The following CIPC variants were observed in gnomAD, a reference collection of about 807,000 sequenced individuals.
CIPC encodes CLOCK interacting pacemaker.
Under a neutral mutation model 26.7 loss-of-function variants are expected in CIPC, and 12 were observed. The ratio of observed to expected loss-of-function variants is 0.45; its 90% CI spans 0.29 to 0.73. The LOEUF is 0.73. Ranked by LOEUF, CIPC falls within the 30% of genes least tolerant of loss-of-function variation. The pLI is 0.12. For synonymous variants in CIPC, 170 were observed against 189.8 expected (o/e 0.90, Z 0.86); for missense variants, 417 against 486.5 (o/e 0.86, Z 1.34).
At chr14:77,100,807 G>A (rs1209771399) in intron 1 of CIPC, among the ~76,000 whole-genome samples, 3 of 152,274 alleles carry the variant, frequency 2.0e-5, no homozygotes, top group Admixed American at 6.5e-5. Context: ...GACCTCAGGT[G>A]ATCCATCCAC....
In CIPC at chr14:77,114,240, G is replaced by C; in HGVS notation, c.1122G>C (p.Lys374Asn). Residue 374 changes from lysine (K) to asparagine (N), a missense_variant, in exon 4 of 4, where the codon AAG (lysine) becomes AAC (asparagine). Physicochemically the swap from Lys to Asn is moderately conservative, Grantham distance 94. Transcript: ENST00000361786. ...GCAGGGCCCCTCAGGCTTGGGCCAA[G>C]CTGCAGGCATCTTTAACACCTGGGT... is the stretch of plus-strand genomic sequence containing the variant. Reference protein sequence around the residue: ...TKSRAPQAWAKLQASLTPGSS... With the variant: ...TKSRAPQAWANLQASLTPGSS... 6.2e-7 allele frequency: 1 copy of C among 1,614,060 alleles called. No individual in the cohort carries two copies. The highest frequency in any genetic ancestry group is 1.1e-5 in the South Asian group (1 of 91,064).
At chr14:77,100,792 C>G (rs570957445) in intron 1 of CIPC, among the ~76,000 whole-genome samples, 1 of 152,254 alleles carries the variant, frequency 6.6e-6, no homozygotes, top group African/African-American at 2.4e-5. Context: ...TGGTCTCGAA[C>G]TCCTGACCTC....
intron 3 of CIPC, among the ~76,000 whole-genome samples, chr14:77,113,112 C>T (rs994441477): frequency 4.6e-5 from 7 of 152,216 alleles, no homozygotes; most frequent in African/African-American, 1.4e-4. Flanking sequence ...TTTTAACTTA[C>T]ACCAGGAAAT....
Position 77,113,612 on chromosome 14 carries a change from C to T in CIPC, c.494C>T (p.Pro165Leu), listed in dbSNP as rs1324862610. Residue 165 changes from proline to leucine, a missense_variant, in exon 4 of 4, where the codon CCA (proline) becomes CTA (leucine). Pro to Leu is a moderately conservative substitution (Grantham distance 98). Transcript: ENST00000361786. ...PILNSYTKIA[P>L]HPGKRGLSLG... ...CTGAATTCTTACACCAAAATAGCCCCACATCCAGGCAAAAGGGGCCTTTCC... is the reference window on the plus strand; with the variant it reads ...CTGAATTCTTACACCAAAATAGCCCTACATCCAGGCAAAAGGGGCCTTTCC... 3.1e-6 allele frequency: 5 copies of T among 1,614,122 alleles called. No homozygotes were observed. Among genetic ancestry groups the T allele is most frequent in the Non-Finnish European group, 4.2e-6 (5 of 1,180,048 alleles).
intron 1 of CIPC, chr14:77,099,332 G>A (rs570345070): frequency 6.6e-6 from 1 of 152,374 alleles, no homozygotes; most frequent in South Asian, 2.1e-4. Context: ...TATGGAATTG[G>A]GGTTCAGGAT....
Position 77,114,222 on chromosome 14 carries a change from C to T in CIPC, c.1104C>T (p.Ala368=). ...TTATAGAAGCCACCAAGAGCAGGGC[C>T]CCTCAGGCTTGGGCCAAGCTGCAGG... The part of the protein sequence containing the change: ...QLFIEATKSR[A]PQAWAKLQAS... The change falls in exon 4 of 4, where the codon GCC becomes GCT. Residue 368 remains alanine, a synonymous_variant. Transcript: ENST00000361786. 2 of 1,614,152 alleles carry T rather than the reference C, an allele frequency of 1.2e-6. No individual in the cohort carries two copies. The highest frequency in any genetic ancestry group is 4.5e-5 in the East Asian group (2 of 44,878).
chr14:77,100,227 ACTTT>A (rs1259564554), intron 1 of CIPC, among the ~76,000 whole-genome samples: 1 of 142,944 alleles, frequency 7.0e-6, no homozygotes, highest in East Asian at 2.1e-4. Flanking sequence ...TTATTGATTC[ACTTT>A]CTTTCTTTCT....
chr14:77,108,484 G>T (rs932524332), intron 2 of CIPC, among the ~76,000 whole-genome samples: 2 of 152,104 alleles, frequency 1.3e-5, no homozygotes, highest in African/African-American at 4.8e-5. Context: ...CTGAGGTCAG[G>T]AATTCGAGAC....
intron 3 of CIPC, among the ~76,000 whole-genome samples, chr14:77,112,660 C>A (rs775357238): frequency 6.6e-6 from 1 of 151,764 alleles, no homozygotes; most frequent in Non-Finnish European, 1.5e-5. Flanking sequence ...AAACAGGAAC[C>A]CATAGACTCC....
Position 77,116,386 on chromosome 14 carries a change from C to T in CIPC, c.*2068C>T, listed in dbSNP as rs1886814500. 1 of 152,184 alleles carries T rather than the reference C, an allele frequency of 6.6e-6. No homozygotes were observed. Among genetic ancestry groups the T allele is most frequent in the African/African-American group, 2.4e-5 (1 of 41,414 alleles). The allele number at this position is 152,184 out of a possible 1,614,324, so 9.4% of individuals were successfully genotyped here. On this transcript the variant is annotated 3_prime_UTR_variant, in exon 4 of 4. Transcript: ENST00000361786. Reference sequence around the variant, plus strand: ...CTTTTTGGCAGAATATGTTTGGCAGCAAAGCTATAGAGACAGGTGCATTCA... The same window carrying T: ...CTTTTTGGCAGAATATGTTTGGCAGTAAAGCTATAGAGACAGGTGCATTCA...
At position 77,116,363 on chromosome 14, in the gene CIPC, T is replaced by G. The variant is rs995281065; in HGVS notation, c.*2045T>G. On this transcript the variant is annotated 3_prime_UTR_variant, in exon 4 of 4. Transcript: ENST00000361786. ...TGTGCACCATGCTAGGAAGCTTCCT[T>G]TTTGGCAGAATATGTTTGGCAGCAA... 1.3e-5 allele frequency: 2 copies of G among 152,198 alleles called. No individual in the cohort carries two copies. The highest frequency in any genetic ancestry group is 4.8e-5 in the African/African-American group (2 of 41,420). The allele number at this position is 152,198 out of a possible 1,614,324, so 9.4% of individuals were successfully genotyped here. A position where few individuals can be genotyped will look rare whatever the true frequency, so the allele number is the denominator to read the frequency against.
chr14:77,109,673 A>G lies in CIPC; in HGVS notation c.137-139A>G, dbSNP rs927949496. Reference sequence around the variant, plus strand: ...CATTGAAAAGCCAATGAAAGCTAAAAGCCTCCTTCTCAATAAAATTCACAA... The same window carrying G: ...CATTGAAAAGCCAATGAAAGCTAAAGGCCTCCTTCTCAATAAAATTCACAA... On this transcript the variant is annotated intron_variant, in intron 2 of 3. Transcript: ENST00000361786. The G allele has an allele frequency of 1.3e-5, 9 of 666,806 alleles. No individual in the cohort carries two copies. In the Admixed American group the frequency reaches 2.3e-4, roughly 17 times the overall value. 41.3% of individuals were successfully genotyped at this position (666,806 alleles called of 1,614,324 possible).
Position 77,113,616 on chromosome 14 carries a change from T to G in CIPC, c.498T>G (p.His166Gln), listed in dbSNP as rs199682062. ...ATTCTTACACCAAAATAGCCCCACA[T>G]CCAGGCAAAAGGGGCCTTTCCCTTG... ...ILNSYTKIAPHPGKRGLSLGP... is the reference protein window; with the variant it reads ...ILNSYTKIAPQPGKRGLSLGP... The change falls in exon 4 of 4, where the codon CAT (histidine) becomes CAG (glutamine). Residue 166 changes from histidine (H) to glutamine (Q), a missense_variant. Coordinates refer to ENST00000361786, the MANE Select transcript of CIPC (RefSeq NM_033426.3). 2 of 1,614,158 alleles carry G rather than the reference T, an allele frequency of 1.2e-6. No individual in the cohort carries two copies. Among genetic ancestry groups the G allele is most frequent in the Admixed American group, 1.7e-5 (1 of 60,014 alleles).
At chr14:77,107,107 C>T (rs1886605117) in intron 2 of CIPC, among the ~76,000 whole-genome samples, 3 of 152,226 alleles carry the variant, frequency 2.0e-5, no homozygotes, top group Admixed American at 2.0e-4. Context: ...TTGGGAAACA[C>T]TGGAGGCCTA....
intron 2 of CIPC, among the ~76,000 whole-genome samples, chr14:77,109,358 G>C (rs1886649842): frequency 1.3e-5 from 2 of 152,194 alleles, no homozygotes. Context: ...GAGGTTTACA[G>C]ATTGGTTTTG....
In CIPC at chr14:77,114,423, A is replaced by T; in HGVS notation, c.*105A>T. ...TGTAAGAGCTTTTCCTTCTAAACTT[A>T]AACTGTGTTGTGGTTCACTTAGGAA... On this transcript the variant is annotated 3_prime_UTR_variant, in exon 4 of 4. Transcript: ENST00000361786. 7.8e-7 allele frequency: 1 copy of T among 1,274,144 alleles called. No individual in the cohort carries two copies. Among genetic ancestry groups the T allele is most frequent in the Non-Finnish European group, 1.1e-6 (1 of 917,396 alleles). The allele number at this position is 1,274,144 out of a possible 1,614,324, so 78.9% of individuals were successfully genotyped here.
intron 1 of CIPC, chr14:77,099,106 T>C (rs1886423419): frequency 6.6e-6 from 1 of 152,542 alleles, no homozygotes; most frequent in Non-Finnish European, 1.5e-5. Context: ...AGTACTAGGG[T>C]CTGCCCAGTT....
Position 77,114,075 on chromosome 14 carries a change from T to C in CIPC, c.957T>C (p.Asn319=). Residue 319 remains asparagine, a synonymous_variant, in exon 4 of 4, where the codon AAT becomes AAC. Transcript: ENST00000361786. The part of the protein sequence containing the change: ...QRQSKHRRFQ[N]TLVVLHKSGL... ...AGAGCAAACATAGGCGCTTTCAGAA[T>C]ACCCTAGTAGTCCTACATAAATCTG... 1 of 1,614,158 alleles carries C rather than the reference T, an allele frequency of 6.2e-7. No homozygotes were observed. The highest frequency in any genetic ancestry group is 8.5e-7 in the Non-Finnish European group (1 of 1,180,026).
chr14:77,113,885 G>T lies in CIPC; in HGVS notation c.767G>T (p.Ser256Ile). ...AGCAGTCACGTGGCTAAAGCTCCCA[G>T]TCTGACCTTCGCTTCCCCCGCCAGT... Reference protein sequence around the residue: ...VSSSHVAKAPSLTFASPASPV... With the variant: ...VSSSHVAKAPILTFASPASPV... Residue 256 changes from serine to isoleucine, a missense_variant, in exon 4 of 4, where the codon AGT (serine) becomes ATT (isoleucine). Ser to Ile is a moderately radical substitution (Grantham distance 142, BLOSUM62 -2). Coordinates refer to ENST00000361786, the MANE Select transcript of CIPC (RefSeq NM_033426.3). 12 of 1,614,128 alleles carry T rather than the reference G, an allele frequency of 7.4e-6. No homozygotes were observed. The highest frequency in any genetic ancestry group is 1.0e-5 in the Non-Finnish European group (12 of 1,180,034).
Sources: allele counts gnomAD v4.1 joint callset (sites outside exome capture counted in the v4.1 genomes callset), GRCh38; gene constraint gnomAD v4.1.1; transcripts MANE v1.5; gene names NCBI Gene and HGNC (gene_info 2026-07-23, HGNC 2026-07-21).